The following LRP1B variants were observed in gnomAD, a reference collection of about 807,000 sequenced individuals.
The protein encoded by LRP1B is LDL receptor related protein 1B.
LRP1B carries 217 observed loss-of-function variants against 556.6 expected under a neutral mutation model. The observed-to-expected ratio is 0.39, with a 90% CI of 0.35 to 0.44. The LOEUF is 0.44. Among genes scored for constraint, LRP1B ranks in the 20% least tolerant of loss-of-function variants. LRP1B has a pLI of 1.00. For synonymous variants in LRP1B, 2,047 were observed against 1,865.8 expected, an observed-to-expected ratio of 1.10 and a Z score of -2.50; for missense variants, 5,053 against 5,620.8, an observed-to-expected ratio of 0.90 and a Z score of 3.23.
At chr2:140,737,197 A>G (rs903331091) in intron 35 of LRP1B, among the ~76,000 whole-genome samples, 1 of 152,142 alleles carries the variant, frequency 6.6e-6, no homozygotes, top group Admixed American at 6.5e-5. Flanking sequence ...GGCCCTAGGG[A>G]GAAGGACCTT....
intron 37 of LRP1B, among the ~76,000 whole-genome samples, chr2:140,710,953 A>C (rs1687010783): frequency 6.6e-6 from 1 of 152,044 alleles, no homozygotes; most frequent in Non-Finnish European, 1.5e-5. Context: ...TGTGTTATCT[A>C]ATGAGAGTGA....
At chr2:140,324,323 C>A (rs1188866312) in intron 80 of LRP1B, among the ~76,000 whole-genome samples, 2 of 151,926 alleles carry the variant, frequency 1.3e-5, no homozygotes, top group Non-Finnish European at 2.9e-5. Flanking sequence ...CATCACAAAG[C>A]ATTTTCTGGG....
At chr2:141,226,037 A>G (rs1261084368) in intron 6 of LRP1B, among the ~76,000 whole-genome samples, 3 of 152,130 alleles carry the variant, frequency 2.0e-5, no homozygotes, top group Non-Finnish European at 4.4e-5. Flanking sequence ...GTATTTAGAA[A>G]AAGCTATAAA....
intron 7 of LRP1B, among the ~76,000 whole-genome samples, chr2:141,120,876 C>A (rs1701030333): frequency 6.6e-6 from 1 of 151,970 alleles, no homozygotes; most frequent in Non-Finnish European, 1.5e-5. Context: ...TAAGATGCTT[C>A]TCAATTCAAC....
intron 2 of LRP1B, among the ~76,000 whole-genome samples, chr2:141,623,232 A>C (rs1386623241): frequency 6.6e-6 from 1 of 152,216 alleles, no homozygotes; most frequent in Non-Finnish European, 1.5e-5. Flanking sequence ...GTCCATATCC[A>C]AATAAATTCT....
At chr2:140,856,778 C>T (rs988415864) in intron 27 of LRP1B, among the ~76,000 whole-genome samples, 1 of 123,448 alleles carries the variant, frequency 8.1e-6, no homozygotes, top group East Asian at 2.4e-4. Flanking sequence ...CACACACACA[C>T]ACATTGTTTT....
intron 2 of LRP1B, among the ~76,000 whole-genome samples, chr2:141,606,278 G>A (rs1687915404): frequency 6.6e-6 from 1 of 152,106 alleles, no homozygotes; most frequent in Admixed American, 6.6e-5. Context: ...TAATTTATGG[G>A]TCCAAATGAA....
At chr2:140,554,407 C>T (rs947956436) in intron 43 of LRP1B, among the ~76,000 whole-genome samples, 1 of 152,018 alleles carries the variant, frequency 6.6e-6, no homozygotes, top group African/African-American at 2.4e-5. Flanking sequence ...GATTCATAAG[C>T]TGATTTGTGT....
At chr2:141,978,345 C>A (rs1328962114) in intron 1 of LRP1B, among the ~76,000 whole-genome samples, 1 of 152,036 alleles carries the variant, frequency 6.6e-6, no homozygotes, top group South Asian at 2.1e-4. Context: ...ATGTGAATTT[C>A]ATTTGCATTA....
chr2:140,416,080 C>A (rs1310399775), intron 66 of LRP1B, among the ~76,000 whole-genome samples: 1 of 152,130 alleles, frequency 6.6e-6, no homozygotes, highest in Non-Finnish European at 1.5e-5. Flanking sequence ...AGGCGAGTGG[C>A]AGGCGAGCTA....
chr2:141,214,862 C>T (rs1301268700), intron 6 of LRP1B, among the ~76,000 whole-genome samples: 1 of 152,178 alleles, frequency 6.6e-6, no homozygotes, highest in Non-Finnish European at 1.5e-5. Flanking sequence ...CCATATCTTA[C>T]TGATGATGCA....
intron 1 of LRP1B, among the ~76,000 whole-genome samples, chr2:141,901,180 T>C (rs1699608471): frequency 6.6e-6 from 1 of 152,016 alleles, no homozygotes; most frequent in Admixed American, 6.6e-5. Flanking sequence ...TTTCTCTTTT[T>C]TCCCTCATGC....
intron 2 of LRP1B, among the ~76,000 whole-genome samples, chr2:141,518,187 G>A (rs1195018711): frequency 1.3e-5 from 2 of 151,896 alleles, no homozygotes; most frequent in East Asian, 3.9e-4. Context: ...CCATGATGAA[G>A]GCAAAGGAAA....
At chr2:141,483,772 T>C (rs955735165) in intron 2 of LRP1B, among the ~76,000 whole-genome samples, 6 of 152,134 alleles carry the variant, frequency 3.9e-5, no homozygotes, top group African/African-American at 1.4e-4. Context: ...TTTTGAGAAG[T>C]GTCTGTTCAT....
chr2:140,541,033 C>A lies in LRP1B; in HGVS notation c.7453G>T (p.Gly2485Trp), dbSNP rs2105016942. ...CCTCTGCAGGAACAATTCACTCTCC[C>A]ATTGGGAGTTAAAAGGCACAAGTCA... Reference protein sequence around the residue: ...CHDLCLLTPNGRVNCSCRGDR... With the variant: ...CHDLCLLTPNWRVNCSCRGDR... Residue 2485 changes from glycine (G) to tryptophan (W), a missense_variant, in exon 45 of 91, where the codon GGG becomes TGG. Gly to Trp is a radical substitution (Grantham distance 184, BLOSUM62 -2). Coordinates refer to ENST00000389484, the MANE Select transcript of LRP1B (RefSeq NM_018557.3). 1 of 1,611,770 alleles carries A rather than the reference C, an allele frequency of 6.2e-7. No individual in the cohort carries two copies. Among genetic ancestry groups the A allele is most frequent in the Non-Finnish European group, 8.5e-7 (1 of 1,178,464 alleles).
intron 35 of LRP1B, among the ~76,000 whole-genome samples, chr2:140,733,531 A>T (rs936803202): frequency 6.6e-6 from 1 of 152,196 alleles, no homozygotes; most frequent in African/African-American, 2.4e-5. Context: ...TATTAATGCC[A>T]CAAAGGCGCA....
intron 35 of LRP1B, among the ~76,000 whole-genome samples, chr2:140,751,687 T>G (rs2104895978): frequency 6.6e-6 from 1 of 152,318 alleles, no homozygotes; most frequent in East Asian, 1.9e-4. Flanking sequence ...GTCAATACCA[T>G]TTTGATGAGA....
At chr2:140,345,741 TATATATACAC>T (rs1334896024) in intron 77 of LRP1B, among the ~76,000 whole-genome samples, 1 of 123,572 alleles carries the variant, frequency 8.1e-6, no homozygotes, top group African/African-American at 2.8e-5. Context: ...TATATATACA[TATATATACAC>T]ATATATACAT....
At chr2:140,428,551 G>A (rs1259017505) in intron 66 of LRP1B, among the ~76,000 whole-genome samples, 1 of 152,164 alleles carries the variant, frequency 6.6e-6, no homozygotes, top group Admixed American at 6.5e-5. Flanking sequence ...CAGAGGCCCT[G>A]GAACTCTGGC....
Sources: allele counts gnomAD v4.1 joint callset (sites outside exome capture counted in the v4.1 genomes callset), GRCh38; gene constraint gnomAD v4.1.1; transcripts MANE v1.5; gene names NCBI Gene and HGNC (gene_info 2026-07-23, HGNC 2026-07-21).